Variants in RAI1 observed in about 807,000 individuals in gnomAD.
RAI1 encodes the protein retinoic acid induced 1.
RAI1 carries 9 observed loss-of-function variants against 123.8 expected under a neutral mutation model. The observed-to-expected ratio is 0.07, with a 90% CI of 0.04 to 0.13. The LOEUF is 0.13. Among genes scored for constraint, RAI1 ranks in the 10% least tolerant of loss-of-function variants. The pLI, the probability that RAI1 is intolerant of heterozygous loss-of-function variation, is 1.00. For synonymous variants in RAI1, 1,231 were observed against 1,127.3 expected (o/e 1.09, Z -1.84); for missense variants, 2,256 against 2,545.8 (o/e 0.89, Z 2.45).
chr17:17,775,635 C>T (rs999460034), intron 2 of RAI1, among the ~76,000 whole-genome samples: 31 of 152,096 alleles, frequency 2.0e-4, no homozygotes, highest in African/African-American at 7.5e-4. Context: ...AGGAGACAAT[C>T]GAATCTATTT....
At chr17:17,737,806 G>A (rs1007419085) in intron 2 of RAI1, among the ~76,000 whole-genome samples, 6 of 152,160 alleles carry the variant, frequency 3.9e-5, no homozygotes, top group African/African-American at 1.4e-4. Flanking sequence ...AGCCACCTCC[G>A]CCTACTCCAG....
chr17:17,796,333 A>G lies in RAI1; in HGVS notation c.3385A>G (p.Lys1129Glu). The G allele has an allele frequency of 6.2e-7, 1 of 1,613,276 alleles. No individual in the cohort carries two copies. Among genetic ancestry groups the G allele is most frequent in the Non-Finnish European group, 8.5e-7 (1 of 1,179,918 alleles). ...SDSSPMGSKT[K>E]ETDSPSTPGK... ...CAGCAGCCCGATGGGCTCCAAGACC[A>G]AGGAGACAGACTCACCCAGCACGCC... The change falls in exon 3 of 6, where the codon AAG becomes GAG. Residue 1129 changes from lysine to glutamate, a missense_variant. By Grantham distance (56) the Lys-to-Glu change is moderately conservative. Transcript: ENST00000353383. The surrounding 1 kb of genome is among the most constrained non-coding windows in gnomAD (Gnocchi z 5.8).
Position 17,685,016 on chromosome 17 carries a change from G to A in RAI1, c.-149+3223G>A, listed in dbSNP as rs536341020. The A allele has an allele frequency of 1.4e-4, 21 of 152,272 alleles. No individual in the cohort carries two copies. The highest frequency in any genetic ancestry group is 2.4e-4 in the Non-Finnish European group (16 of 68,068). 9.4% of individuals were successfully genotyped at this position (152,272 alleles called of 1,614,324 possible). ...GTTAATCCATATGAAGTTTAGAGCA[G>A]TGCTTTTGCCAATAAATGCTGATTG... On this transcript the variant is annotated intron_variant, in intron 1 of 5. Transcript: ENST00000353383. The surrounding 1 kb of genome is among the most constrained non-coding windows in gnomAD (Gnocchi z 4.0).
chr17:17,711,387 C>G (rs1915562320), intron 1 of RAI1, among the ~76,000 whole-genome samples: 1 of 152,244 alleles, frequency 6.6e-6, no homozygotes. Context: ...AAGTCAGACC[C>G]TCCTGTGTGT....
At chr17:17,761,961 A>C (rs914513421) in intron 2 of RAI1, among the ~76,000 whole-genome samples, 1 of 152,022 alleles carries the variant, frequency 6.6e-6, no homozygotes, top group Non-Finnish European at 1.5e-5. Flanking sequence ...CATCCAAGGG[A>C]CTTTTGGTTG....
At chr17:17,773,175 C>T (rs2031225002) in intron 2 of RAI1, among the ~76,000 whole-genome samples, 1 of 152,038 alleles carries the variant, frequency 6.6e-6, no homozygotes, top group Non-Finnish European at 1.5e-5. Flanking sequence ...TGAGGTGAGT[C>T]CAGAGGCATT....
intron 2 of RAI1, chr17:17,777,059 T>C (rs926740677): frequency 6.6e-6 from 1 of 152,162 alleles, no homozygotes; most frequent in African/African-American, 2.4e-5. Flanking sequence ...ACTCAGCCAA[T>C]AGAACCTCCC....
chr17:17,683,339 T>TGCCCCC (rs1237839078), intron 1 of RAI1, among the ~76,000 whole-genome samples: 1 of 152,154 alleles, frequency 6.6e-6, no homozygotes, highest in African/African-American at 2.4e-5. Context: ...TTCCTGCCCC[T>TGCCCCC]GCCCCCCTCC....
At position 17,797,875 on chromosome 17, in the gene RAI1, G is replaced by C. The variant is rs745508744; in HGVS notation, c.4927G>C (p.Asp1643His). ...CTCATCCTCGTCCTCGTTCTCCTTG[G>C]ATGCAGCCGGGGCCTCCCTGGCCAC... Reference protein sequence around the residue: ...SSSSSSSFSLDAAGASLATLP... With the variant: ...SSSSSSSFSLHAAGASLATLP... The change falls in exon 3 of 6, where the codon GAT becomes CAT. Residue 1643 changes from aspartate to histidine, a missense_variant. Transcript: ENST00000353383. 1.2e-5 allele frequency: 19 copies of C among 1,613,768 alleles called. No homozygotes were observed. Among genetic ancestry groups the C allele is most frequent in the Non-Finnish European group, 1.6e-5 (19 of 1,180,010 alleles).
rs767038093 is a variant in RAI1, at chr17:17,795,068, C to T, written c.2120C>T (p.Ser707Phe). Reference protein sequence around the residue: ...PDPKKTTGPLSFGTKPTLGVP... With the variant: ...PDPKKTTGPLFFGTKPTLGVP... ...CCCAAAAAGACAACTGGTCCTCTCT[C>T]CTTTGGTACCAAGCCCACCCTTGGG... Residue 707 changes from serine (S) to phenylalanine (F), a missense_variant, in exon 3 of 6, where the codon TCC (serine) becomes TTC (phenylalanine). Ser to Phe is a radical substitution (Grantham distance 155). Around this residue, in one of 7 missense-constraint regions of RAI1, gnomAD observed 566 missense variants for 616.0 expected, o/e 0.92. Coordinates refer to ENST00000353383, the MANE Select transcript of RAI1 (RefSeq NM_030665.4). This position sits in a 1 kb window ranked among gnomAD's most constrained non-coding sequence, Gnocchi z 5.9. 3 of 1,614,050 alleles carry T rather than the reference C, an allele frequency of 1.9e-6. No individual in the cohort carries two copies. The highest frequency in any genetic ancestry group is 2.2e-5 in the East Asian group (1 of 44,900).
intron 2 of RAI1, among the ~76,000 whole-genome samples, chr17:17,743,082 A>T (rs570710438): frequency 1.4e-4 from 22 of 152,278 alleles, no homozygotes; most frequent in Admixed American, 5.9e-4. Flanking sequence ...TCAACCTCCC[A>T]GGCTCAAACC....
At chr17:17,763,764 G>A (rs147390847) in intron 2 of RAI1, among the ~76,000 whole-genome samples, 82 of 152,338 alleles carry the variant, frequency 5.4e-4, no homozygotes, top group Non-Finnish European at 9.4e-4. Context: ...AGCCTAGAAT[G>A]CCTGGTTGTA....
chr17:17,716,017 T>C (rs984347864), intron 1 of RAI1, among the ~76,000 whole-genome samples: 1 of 152,214 alleles, frequency 6.6e-6, no homozygotes, highest in Admixed American at 6.5e-5. Flanking sequence ...AGAGAGGGAA[T>C]TGTCCAAGTC....
At chr17:17,752,213 C>T (rs772856754) in intron 2 of RAI1, among the ~76,000 whole-genome samples, 13 of 152,108 alleles carry the variant, frequency 8.5e-5, no homozygotes, top group Non-Finnish European at 1.3e-4. Context: ...GGGCGGCGCG[C>T]GGGCGCAGGT....
intron 1 of RAI1, among the ~76,000 whole-genome samples, chr17:17,709,467 C>T (rs1915497403): frequency 6.6e-6 from 1 of 152,230 alleles, no homozygotes; most frequent in African/African-American, 2.4e-5. Context: ...CTGCCTCGGC[C>T]TCCCTGCTGG....
At position 17,810,356 on chromosome 17, in the gene RAI1, A is replaced by G. The variant is rs2032714435; in HGVS notation, c.*375A>G. 1 of 313,072 alleles carries G rather than the reference A, an allele frequency of 3.2e-6. No individual in the cohort carries two copies. The highest frequency in any genetic ancestry group is 4.8e-5 in the South Asian group (1 of 20,994). The allele number at this position is 313,072 out of a possible 1,614,324, so 19.4% of individuals were successfully genotyped here. Reference sequence around the variant, plus strand: ...GACACTTTCCCTCTGGAATCTCAAGACGACGTGGCACACATTCCACGTGGG... The same window carrying G: ...GACACTTTCCCTCTGGAATCTCAAGGCGACGTGGCACACATTCCACGTGGG... On this transcript the variant is annotated 3_prime_UTR_variant, in exon 6 of 6. Coordinates refer to ENST00000353383, the MANE Select transcript of RAI1 (RefSeq NM_030665.4). This position sits in a 1 kb window ranked among gnomAD's most constrained non-coding sequence, Gnocchi z 4.6.
In RAI1 at chr17:17,797,883, C is replaced by T. The variant is rs757936741; in HGVS notation, c.4935C>T (p.Ala1645=). ...CGTCCTCGTTCTCCTTGGATGCAGC[C>T]GGGGCCTCCCTGGCCACACTCCCTG... ...SSSSSFSLDA[A]GASLATLPGG... The change falls in exon 3 of 6, where the codon GCC becomes GCT. Residue 1645 remains alanine (A), a synonymous_variant. Transcript: ENST00000353383. 33 of 1,613,960 alleles carry T rather than the reference C, an allele frequency of 2.0e-5. No homozygotes were observed. Among genetic ancestry groups the T allele is most frequent in the Middle Eastern group, 1.6e-4 (1 of 6,062 alleles).
intron 2 of RAI1, among the ~76,000 whole-genome samples, chr17:17,787,094 A>T (rs1202403341): frequency 6.6e-6 from 1 of 151,762 alleles, no homozygotes; most frequent in Admixed American, 6.6e-5. Context: ...AGCCTATCTC[A>T]TCCTTATCAT....
intron 2 of RAI1, among the ~76,000 whole-genome samples, chr17:17,739,940 C>T (rs1916566507): frequency 6.6e-6 from 1 of 152,224 alleles, no homozygotes; most frequent in African/African-American, 2.4e-5. Flanking sequence ...CATACAGCCG[C>T]TGAGCTAACA....
Sources: allele counts gnomAD v4.1 joint callset (sites outside exome capture counted in the v4.1 genomes callset), GRCh38; gene constraint gnomAD v4.1.1; regional missense constraint gnomAD v4.1.1; non-coding constraint Gnocchi (gnomAD v3.1); transcripts MANE v1.5; gene names NCBI Gene and HGNC (gene_info 2026-07-23, HGNC 2026-07-21).